OCA2: variants seen among roughly 807,000 people sequenced by gnomAD.
OCA2 encodes the protein OCA2 melanosomal transmembrane protein.
In OCA2, 77 loss-of-function variants were observed where a neutral mutation model predicts 100.2. The observed-to-expected ratio is 0.77, with a 90% CI of 0.64 to 0.93. The LOEUF (loss-of-function observed/expected upper bound fraction) is 0.93, where lower values mean the gene tolerates loss of function less well. Ranked by LOEUF, OCA2 falls within the 40% of genes least tolerant of loss-of-function variation. The pLI is 0.00. For missense variants in OCA2, 1,062 were observed against 1,089.1 expected (o/e 0.98, Z 0.35); for synonymous variants, 432 against 439.2 (o/e 0.98, Z 0.21).
At chr15:27,762,987 T>C (rs908061628) in intron 23 of OCA2, among the ~76,000 whole-genome samples, 10 of 152,238 alleles carry the variant, frequency 6.6e-5, no homozygotes, top group African/African-American at 2.2e-4. Context: ...TCATTTGTTA[T>C]GGCTGAGTAG....
intron 19 of OCA2, among the ~76,000 whole-genome samples, chr15:27,904,649 A>G (rs960853382): frequency 6.6e-6 from 1 of 152,156 alleles, no homozygotes; most frequent in African/African-American, 2.4e-5. Context: ...CCAACAGTCT[A>G]TCCTCCCCAA....
intron 9 of OCA2, among the ~76,000 whole-genome samples, chr15:28,010,406 GAAGA>G (rs1464057586): frequency 2.0e-5 from 3 of 152,150 alleles, no homozygotes; most frequent in Admixed American, 2.0e-4. Context: ...GATTGGAAAA[GAAGA>G]AATAAAACTG....
rs534814000 is a variant in OCA2 at position 27,951,812 on chromosome 15, C to T, written c.1923G>A (p.Ser641=). The T allele has an allele frequency of 5.0e-6, 8 of 1,613,392 alleles. No homozygotes were observed. In the East Asian group the frequency reaches 1.1e-4, roughly 22 times the overall value. Residue 641 remains serine, a synonymous_variant, in exon 18 of 24, where the codon TCG becomes TCA. Coordinates refer to ENST00000354638, the MANE Select transcript of OCA2 (RefSeq NM_000275.3). The part of the protein sequence containing the change: ...GFVIFMFFLN[S]FVPGIHLDLG... ...GATCAAGATGAATGCCAGGGACAAA[C>T]GAATTGAGGAAAAACATGAAGATAA...
At chr15:27,895,732 A>C in intron 19 of OCA2, 1 of 277,130 alleles carries the variant, frequency 3.6e-6, no homozygotes, top group Non-Finnish European at 7.1e-6. Flanking sequence ...TTAAGAATAA[A>C]GCCTACTTTA....
intron 9 of OCA2, among the ~76,000 whole-genome samples, chr15:28,006,544 A>C (rs908702781): frequency 1.3e-5 from 2 of 152,240 alleles, no homozygotes; most frequent in Non-Finnish European, 2.9e-5. Flanking sequence ...GACTCCTTCA[A>C]CTGCAAAAGT....
At chr15:27,811,710 G>A (rs2034086311) in intron 23 of OCA2, among the ~76,000 whole-genome samples, 1 of 152,194 alleles carries the variant, frequency 6.6e-6, no homozygotes, top group African/African-American at 2.4e-5. Flanking sequence ...GGTTGGCAGT[G>A]TCCATGTGCG....
chr15:27,797,958 G>C (rs548012899), intron 23 of OCA2, among the ~76,000 whole-genome samples: 6 of 152,306 alleles, frequency 3.9e-5, no homozygotes, highest in African/African-American at 1.2e-4. Flanking sequence ...CACTCTACCC[G>C]GGAGCTGACC....
intron 14 of OCA2, among the ~76,000 whole-genome samples, chr15:27,977,058 A>G (rs998983329): frequency 6.6e-6 from 1 of 152,184 alleles, no homozygotes; most frequent in Non-Finnish European, 1.5e-5. Context: ...AGAGTTGTCC[A>G]TGATCTTCTC....
chr15:28,088,011 G>A (rs1014239051), intron 1 of OCA2, among the ~76,000 whole-genome samples: 18 of 151,816 alleles, frequency 1.2e-4, no homozygotes, highest in Non-Finnish European at 1.2e-4. Context: ...GCAGTGAGCT[G>A]AGACTGCACC....
At chr15:27,847,284 AGGGC>A (rs2035572262) in intron 22 of OCA2, among the ~76,000 whole-genome samples, 3 of 152,324 alleles carry the variant, frequency 2.0e-5, no homozygotes, top group South Asian at 4.1e-4. Context: ...CTGGAGACAG[AGGGC>A]GGGGAGCTGG....
chr15:27,904,940 G>A (rs2038112991), intron 19 of OCA2, among the ~76,000 whole-genome samples: 1 of 152,196 alleles, frequency 6.6e-6, no homozygotes, highest in Admixed American at 6.5e-5. Flanking sequence ...AAGGCAGGCG[G>A]ATCACCTGAG....
Position 27,867,987 on chromosome 15 carries a change from G to A in OCA2, c.2244+3167C>T, listed in dbSNP as rs539860629. 1.4e-4 allele frequency among the ~76,000 whole-genome samples: 22 copies of A among 152,228 alleles called. No homozygotes were observed. In the South Asian group the frequency reaches 1.9e-3, roughly 13 times the overall value. ...GGAGCTGCCTTCATGAATTCAAGTC[G>A]TAACCACCTATGCAGCAGCCCACTG... is the stretch of plus-strand genomic sequence containing the variant. On this transcript the variant is annotated intron_variant, in intron 21 of 23. Coordinates refer to ENST00000354638, the MANE Select transcript of OCA2 (RefSeq NM_000275.3).
At position 28,019,443 on chromosome 15, in the gene OCA2, C is replaced by T. The variant is rs141065179; in HGVS notation, c.647-886G>A. Among the ~76,000 whole-genome samples the T allele has an allele frequency of 2.6e-5, 4 of 152,258 alleles. No homozygotes were observed. The East Asian group carries it at 7.7e-4, about 29-fold the overall frequency. ...AGCCTGACAGGCCTCCTTCAGACAACAATTCAGGGACAAAGAACTTCAGGT... is the reference window on the plus strand; with the variant it reads ...AGCCTGACAGGCCTCCTTCAGACAATAATTCAGGGACAAAGAACTTCAGGT... On this transcript the variant is annotated intron_variant, in intron 6 of 23. Transcript: ENST00000354638.
chr15:27,953,113 G>A (rs1229643627), intron 17 of OCA2, among the ~76,000 whole-genome samples: 2 of 152,216 alleles, frequency 1.3e-5, no homozygotes, highest in Non-Finnish European at 2.9e-5. Context: ...ATGGATGCAG[G>A]TGGATCTCGA....
At chr15:27,770,994 C>CCCTT (rs113635569) in intron 23 of OCA2, among the ~76,000 whole-genome samples, 14,594 of 93,570 alleles carry the variant, frequency 0.16, 1,726 homozygotes, top group Non-Finnish European at 0.23. Flanking sequence ...TTTCTTCCTT[C>CCCTT]CCTTCCTTCC....
Position 27,779,195 on chromosome 15 carries a change from T to A in OCA2, c.2433-23723A>T, listed in dbSNP as rs1187521476. ...ACTGGTTTGGTGACCTAATATGTGATCTGTCCTGGAGAATGTTCCCTGTGT... is the reference window on the plus strand; with the variant it reads ...ACTGGTTTGGTGACCTAATATGTGAACTGTCCTGGAGAATGTTCCCTGTGT... On this transcript the variant is annotated intron_variant, in intron 23 of 23. Coordinates refer to ENST00000354638, the MANE Select transcript of OCA2 (RefSeq NM_000275.3). Among the ~76,000 whole-genome samples the A allele has an allele frequency of 3.9e-5, 6 of 152,346 alleles. No homozygotes were observed. The East Asian group carries it at 1.2e-3, about 29-fold the overall frequency.
chr15:28,006,162 G>A (rs755769418), intron 9 of OCA2, among the ~76,000 whole-genome samples: 8 of 152,156 alleles, frequency 5.3e-5, no homozygotes, highest in Admixed American at 3.9e-4. Context: ...CTCCGCACAC[G>A]TTAGCTCCGG....
intron 23 of OCA2, among the ~76,000 whole-genome samples, chr15:27,793,406 T>TAA (rs11431064): frequency 0.026 from 3,876 of 147,926 alleles, 137 homozygotes; most frequent in African/African-American, 0.09. Flanking sequence ...CTTCCACCAT[T>TAA]AAAAAAAAAA....
intron 19 of OCA2, among the ~76,000 whole-genome samples, chr15:27,872,835 G>A (rs1045073500): frequency 2.6e-5 from 4 of 152,056 alleles, no homozygotes; most frequent in African/African-American, 7.2e-5. Flanking sequence ...GATTACAGGT[G>A]CCCACAACCA....
Sources: allele counts gnomAD v4.1 joint callset (sites outside exome capture counted in the v4.1 genomes callset), GRCh38; gene constraint gnomAD v4.1.1; transcripts MANE v1.5; gene names NCBI Gene and HGNC (gene_info 2026-07-23, HGNC 2026-07-21).